Variants in MATCAP2 observed in about 807,000 individuals in gnomAD.
The protein encoded by MATCAP2 is putative tyrosine carboxypeptidase MATCAP2.
chr7:36,343,084 G>T, the MATCAP2 span, among the ~76,000 whole-genome samples: 1 of 151,928 alleles, frequency 6.6e-6, no homozygotes, highest in South Asian at 2.1e-4. Flanking sequence ...AGGTCAAAAT[G>T]ATTAAATATG....
chr7:36,382,502 T>G, the MATCAP2 span, among the ~76,000 whole-genome samples: 382 of 151,558 alleles, frequency 2.5e-3, 2 homozygotes, highest in African/African-American at 8.2e-3. Context: ...TTTTTTTTTT[T>G]TTTGTTTTGA....
the MATCAP2 span, chr7:36,330,914 G>T: frequency 1.1e-6 from 1 of 904,378 alleles, no homozygotes; most frequent in Non-Finnish European, 1.8e-6. Flanking sequence ...CTTATTTAAT[G>T]CTAAGCTTGA....
At chr7:36,383,940 AAAAGATTT>A in the MATCAP2 span, 2 of 1,530,256 alleles carry the variant, frequency 1.3e-6, no homozygotes, top group Non-Finnish European at 1.8e-6. Flanking sequence ...TGTAAAAATA[AAAAGATTT>A]GTGTTATTGT....
chr7:36,353,299 T>G, the MATCAP2 span, among the ~76,000 whole-genome samples: 1 of 152,156 alleles, frequency 6.6e-6, no homozygotes, highest in Non-Finnish European at 1.5e-5. Context: ...GCTACAGGTC[T>G]TTTGGTGACA....
At chr7:36,374,223 C>A in the MATCAP2 span, among the ~76,000 whole-genome samples, 1 of 151,846 alleles carries the variant, frequency 6.6e-6, no homozygotes, top group Non-Finnish European at 1.5e-5. Flanking sequence ...GAGGTACAGG[C>A]ATGAGCCACC....
the MATCAP2 span, among the ~76,000 whole-genome samples, chr7:36,334,705 C>T: frequency 6.6e-6 from 1 of 151,992 alleles, no homozygotes; most frequent in Non-Finnish European, 1.5e-5. Flanking sequence ...ACCTTTATAA[C>T]AATTTACTTT....
chr7:36,331,661 G>A, the MATCAP2 span, among the ~76,000 whole-genome samples: 1 of 152,164 alleles, frequency 6.6e-6, no homozygotes, highest in African/African-American at 2.4e-5. Context: ...AGAGCATGTA[G>A]GTTTAAAAAA....
chr7:36,366,708 A>G, the MATCAP2 span: 3 of 1,535,208 alleles, frequency 2.0e-6, no homozygotes, highest in Admixed American at 2.0e-5. Flanking sequence ...ACTTACTGAT[A>G]ATAAGTGACG....
the MATCAP2 span, among the ~76,000 whole-genome samples, chr7:36,347,682 A>C: frequency 1.3e-5 from 2 of 152,218 alleles, no homozygotes; most frequent in Non-Finnish European, 2.9e-5. Context: ...GAAAGTACTT[A>C]AGTTTTAACA....
At chr7:36,340,440 A>G in the MATCAP2 span, among the ~76,000 whole-genome samples, 4 of 152,238 alleles carry the variant, frequency 2.6e-5, no homozygotes, top group Non-Finnish European at 4.4e-5. Context: ...ACAATGGTAC[A>G]TAACAGCATA....
the MATCAP2 span, among the ~76,000 whole-genome samples, chr7:36,347,847 T>G: frequency 5.3e-4 from 80 of 152,262 alleles, 1 homozygote; most frequent in Middle Eastern, 6.8e-3. Flanking sequence ...AATCTAAAAC[T>G]TCCCCCCCAA....
At chr7:36,343,781 G>A in the MATCAP2 span, among the ~76,000 whole-genome samples, 1 of 151,936 alleles carries the variant, frequency 6.6e-6, no homozygotes, top group African/African-American at 2.4e-5. Context: ...GTCAAAATGA[G>A]AGGGAAGGTG....
At chr7:36,362,453 C>T in the MATCAP2 span, among the ~76,000 whole-genome samples, 1 of 152,264 alleles carries the variant, frequency 6.6e-6, no homozygotes, top group South Asian at 2.1e-4. Flanking sequence ...GTTGTTTTTA[C>T]AGTTAGAAAT....
chr7:36,382,199 C>T, the MATCAP2 span, among the ~76,000 whole-genome samples: 3 of 145,342 alleles, frequency 2.1e-5, no homozygotes, highest in East Asian at 2.2e-4. Flanking sequence ...CCCAGCTACT[C>T]GGGAGGCTGA....
At chr7:36,356,812 T>C in the MATCAP2 span, 2 of 1,115,386 alleles carry the variant, frequency 1.8e-6, no homozygotes, top group Non-Finnish European at 2.7e-6. Flanking sequence ...AATTTGAATA[T>C]TTTTAAATGT....
chr7:36,375,610 G>A, the MATCAP2 span, among the ~76,000 whole-genome samples: 3 of 152,316 alleles, frequency 2.0e-5, no homozygotes, highest in African/African-American at 7.2e-5. Context: ...CAAAAAATGA[G>A]TTAGGGAGGA....
the MATCAP2 span, among the ~76,000 whole-genome samples, chr7:36,371,348 A>G: frequency 1.3e-5 from 2 of 152,146 alleles, no homozygotes; most frequent in Admixed American, 1.3e-4. Context: ...CCTGGACTCA[A>G]GCAATCTGCC....
At chr7:36,357,736 G>T in the MATCAP2 span, 1 of 637,880 alleles carries the variant, frequency 1.6e-6, no homozygotes, top group Non-Finnish European at 2.6e-6. Flanking sequence ...AATATTAAAA[G>T]GATATATTAC....
chr7:36,358,787 G>T, the MATCAP2 span, among the ~76,000 whole-genome samples: 8 of 152,254 alleles, frequency 5.3e-5, no homozygotes, highest in African/African-American at 1.9e-4. Context: ...CTGAAGACAA[G>T]GCATTCCTAT....
Sources: gnomAD v4.1 joint callset for allele counts (sites outside exome capture counted in the v4.1 genomes callset) on GRCh38, gnomAD v4.1.1 for gene constraint, MANE v1.5 for transcripts, NCBI Gene and HGNC (gene_info 2026-07-23, HGNC 2026-07-21) for gene names.